PHACTR4: variants seen among roughly 807,000 people sequenced by gnomAD.
The protein encoded by PHACTR4 is phosphatase and actin regulator 4.
In PHACTR4, 51 loss-of-function variants were observed where a neutral mutation model predicts 72.7. That is an observed-to-expected ratio of 0.70 (90% CI 0.56 to 0.89). The LOEUF is 0.89. Ranked by LOEUF, PHACTR4 falls within the 40% of genes least tolerant of loss-of-function variation. PHACTR4 has a pLI of 0.00. For missense variants in PHACTR4, 731 were observed against 861.8 expected, an observed-to-expected ratio of 0.85 and a Z score of 1.90; for synonymous variants, 255 against 302.5, an observed-to-expected ratio of 0.84 and a Z score of 1.63.
chr1:28,480,380 A>G, intron 8 of PHACTR4, 71 bp from the exon 9 acceptor site: 1 of 1,545,262 alleles, frequency 6.5e-7, no homozygotes, highest in Non-Finnish European at 8.9e-7. Flanking sequence ...ACTCTTGACT[A>G]GCTCCAGGTA....
At position 28,493,077 on chromosome 1, in the gene PHACTR4, C is replaced by T; in HGVS notation, c.2079C>T (p.Ser693=). 1 of 1,612,580 alleles carries T rather than the reference C, an allele frequency of 6.2e-7. No homozygotes were observed. The highest frequency in any genetic ancestry group is 8.5e-7 in the Non-Finnish European group (1 of 1,178,696). Residue 693 remains serine (S), a synonymous_variant, in exon 13 of 14, where the codon AGC becomes AGT. Coordinates refer to ENST00000373839, the MANE Select transcript of PHACTR4 (RefSeq NM_001048183.3). ...KSSEMEVHEE[S]KHFTRYHRP ...CCGAGATGGAGGTTCATGAAGAGAG[C>T]AAACATTTTACACGGTAAGACCCAA...
At chr1:28,371,073 G>T (rs910232441) in intron 1 of PHACTR4, among the ~76,000 whole-genome samples, 7 of 152,168 alleles carry the variant, frequency 4.6e-5, no homozygotes, top group Non-Finnish European at 8.8e-5. Flanking sequence ...CCTCCTGTTG[G>T]AAGACTGCAT....
chr1:28,481,038 T>A (rs954376790), intron 9 of PHACTR4, among the ~76,000 whole-genome samples: 5 of 149,306 alleles, frequency 3.3e-5, no homozygotes, highest in Admixed American at 3.3e-4. Flanking sequence ...TAGTGTGATT[T>A]TTTTTTCTTT....
intron 2 of PHACTR4, among the ~76,000 whole-genome samples, chr1:28,423,645 G>A (rs776669841): frequency 6.6e-6 from 1 of 152,102 alleles, no homozygotes; most frequent in Non-Finnish European, 1.5e-5. Flanking sequence ...CTCAGATCCA[G>A]ATTACTTAGA....
At chr1:28,379,551 G>A (rs1651970588) in intron 1 of PHACTR4, among the ~76,000 whole-genome samples, 1 of 151,746 alleles carries the variant, frequency 6.6e-6, no homozygotes, top group African/African-American at 2.4e-5. Context: ...TAGGATTACA[G>A]GTGTGAGCCC....
chr1:28,456,211 C>G (rs561111538), intron 2 of PHACTR4, among the ~76,000 whole-genome samples: 1 of 152,072 alleles, frequency 6.6e-6, no homozygotes, highest in African/African-American at 2.4e-5. Context: ...AGGAAACTTA[C>G]AATCATGAAT....
At chr1:28,450,086 A>G (rs1657825899) in intron 2 of PHACTR4, among the ~76,000 whole-genome samples, 1 of 152,032 alleles carries the variant, frequency 6.6e-6, no homozygotes, top group South Asian at 2.1e-4. Context: ...AGGAAACTCC[A>G]AACTGTAATT....
chr1:28,440,002 A>AT (rs1398848459), intron 2 of PHACTR4, among the ~76,000 whole-genome samples: 1 of 152,146 alleles, frequency 6.6e-6, no homozygotes, highest in Non-Finnish European at 1.5e-5. Flanking sequence ...TATATACTGT[A>AT]TTAAAAACTT....
intron 2 of PHACTR4, among the ~76,000 whole-genome samples, chr1:28,441,456 G>A (rs1657025781): frequency 6.6e-6 from 1 of 152,148 alleles, no homozygotes; most frequent in Non-Finnish European, 1.5e-5. Flanking sequence ...TAACCAAAGA[G>A]TCTGCTTTCA....
chr1:28,391,595 T>C (rs1653037517), intron 1 of PHACTR4, among the ~76,000 whole-genome samples: 1 of 133,084 alleles, frequency 7.5e-6, no homozygotes, highest in Non-Finnish European at 1.6e-5. Context: ...AGTAAAAATA[T>C]ATTCTTTTTT....
intron 2 of PHACTR4, among the ~76,000 whole-genome samples, chr1:28,407,962 T>TA (rs1654477193): frequency 6.6e-6 from 1 of 151,406 alleles, no homozygotes; most frequent in Admixed American, 6.6e-5. Context: ...CTACTAAAAA[T>TA]ACAAAAATTT....
intron 1 of PHACTR4, among the ~76,000 whole-genome samples, chr1:28,383,075 G>C (rs924622711): frequency 1.3e-5 from 2 of 152,204 alleles, no homozygotes; most frequent in African/African-American, 4.8e-5. Context: ...TTACAGGCAT[G>C]AGCCACCGCG....
intron 6 of PHACTR4, among the ~76,000 whole-genome samples, chr1:28,471,030 G>GAA (rs375266708): frequency 2.7e-4 from 36 of 134,318 alleles, no homozygotes; most frequent in African/African-American, 5.9e-4. Flanking sequence ...TGTCTCAAAA[G>GAA]AAAAAAAAAA....
At chr1:28,487,897 G>A (rs1195545571) in intron 9 of PHACTR4, among the ~76,000 whole-genome samples, 14 of 151,480 alleles carry the variant, frequency 9.2e-5, no homozygotes, top group Admixed American at 9.2e-4. Flanking sequence ...CACAACATCC[G>A]GCTAATTTTT....
intron 2 of PHACTR4, among the ~76,000 whole-genome samples, chr1:28,408,684 TA>T (rs1280943149): frequency 3.3e-5 from 5 of 151,742 alleles, no homozygotes; most frequent in African/African-American, 7.3e-5. Flanking sequence ...TTTTTTAATT[TA>T]TTTTTTTTGA....
chr1:28,450,359 A>C (rs928185675), intron 2 of PHACTR4, among the ~76,000 whole-genome samples: 1 of 151,810 alleles, frequency 6.6e-6, no homozygotes, highest in African/African-American at 2.4e-5. Flanking sequence ...TAACTAGTTT[A>C]AACAGAAACA....
intron 2 of PHACTR4, 56 bp downstream of exon 2, chr1:28,407,519 C>G: frequency 1.3e-6 from 2 of 1,483,974 alleles, no homozygotes; most frequent in East Asian, 2.3e-5. Flanking sequence ...ATCCTCACCT[C>G]CATTAAAGCT....
intron 12 of PHACTR4, 59 bp downstream of exon 12, chr1:28,491,846 G>A: frequency 6.4e-7 from 1 of 1,559,444 alleles, no homozygotes; most frequent in East Asian, 2.3e-5. Context: ...TTATTTGGAG[G>A]ATCCAAGATA....
chr1:28,468,966 G>A (rs763919453), intron 6 of PHACTR4, among the ~76,000 whole-genome samples: 1 of 152,166 alleles, frequency 6.6e-6, no homozygotes, highest in African/African-American at 2.4e-5. Context: ...CTCATTCTTA[G>A]CTTGAGGTAA....
Sources: allele counts gnomAD v4.1 joint callset (sites outside exome capture counted in the v4.1 genomes callset), GRCh38; gene constraint gnomAD v4.1.1; transcripts MANE v1.5; gene names NCBI Gene and HGNC (gene_info 2026-07-23, HGNC 2026-07-21).